The following CABLES1 variants were observed in gnomAD, a reference collection of about 807,000 sequenced individuals.
The protein encoded by CABLES1 is Cdk5 and Abl enzyme substrate 1, also known as CDK5 and ABL1 enzyme substrate 1.
A neutral mutation model predicts 57.8 loss-of-function variants in CABLES1; 36 were observed. That is an observed-to-expected ratio of 0.62 (90% CI 0.48 to 0.82). CABLES1 has a LOEUF of 0.82. Ranked by LOEUF, CABLES1 falls within the 40% of genes least tolerant of loss-of-function variation. CABLES1 has a pLI of 0.00. For synonymous variants in CABLES1, 374 were observed against 363.0 expected (o/e 1.03, Z -0.35); for missense variants, 767 against 836.6 (o/e 0.92, Z 1.03).
At chr18:23,253,157 G>A (rs1282099813) in intron 8 of CABLES1, 91 bp downstream of exon 8, 4 of 726,112 alleles carry the variant, frequency 5.5e-6, no homozygotes, top group Non-Finnish European at 9.9e-6. Flanking sequence ...GGTCCTTCCT[G>A]TGGTTCCAGT....
intron 7 of CABLES1, among the ~76,000 whole-genome samples, chr18:23,238,386 G>A (rs561412615): frequency 1.3e-5 from 2 of 152,304 alleles, no homozygotes; most frequent in African/African-American, 2.4e-5. Flanking sequence ...TATGCCACAC[G>A]GCGTCAGAAT....
chr18:23,191,934 A>G (rs2047246689), intron 2 of CABLES1, among the ~76,000 whole-genome samples: 1 of 110,418 alleles, frequency 9.1e-6, no homozygotes, highest in Non-Finnish European at 2.0e-5. Flanking sequence ...AAAAAAAAAA[A>G]AAAAAAAGGC....
In CABLES1 at chr18:23,246,053, G is replaced by A. The variant is rs564262645; in HGVS notation, c.1447-6907G>A. On this transcript the variant is annotated intron_variant, in intron 7 of 9. Transcript: ENST00000256925. ...GAGGCCAAGGTGGGCAGATCACGAG[G>A]TCAGGAGATCGAGACCATCCTGGCC... 2.6e-5 allele frequency among the ~76,000 whole-genome samples: 4 copies of A among 152,272 alleles called. No homozygotes were observed. In the South Asian group the frequency reaches 6.2e-4, roughly 24 times the overall value.
rs1249943525 is a variant in CABLES1, at chr18:23,225,825, C to A, written c.1089-8783C>A. ...AATGAGTTGCAAGCAACTTTCTCAA[C>A]TTTCCTAAATAGGCAGACCCCACTT... is the stretch of plus-strand genomic sequence containing the variant. On this transcript the variant is annotated intron_variant, in intron 4 of 9. Transcript: ENST00000256925. Among the ~76,000 whole-genome samples the A allele has an allele frequency of 2.0e-5, 3 of 152,262 alleles. No individual in the cohort carries two copies. The East Asian group carries it at 5.8e-4, about 29-fold the overall frequency.
At chr18:23,236,188 C>G in intron 6 of CABLES1, 137 bp downstream of exon 6, 2 of 930,680 alleles carry the variant, frequency 2.1e-6, no homozygotes, top group Non-Finnish European at 3.2e-6. Flanking sequence ...AAAGCCTGAT[C>G]TCAAGCCATG....
At chr18:23,136,664 C>A (rs142120848) in intron 1 of CABLES1, 57 bp downstream of exon 1, 2 of 1,158,804 alleles carry the variant, frequency 1.7e-6, no homozygotes, top group Non-Finnish European at 2.3e-6. Flanking sequence ...GCGCTCCCAG[C>A]CTCCCCGCGG....
chr18:23,238,284 C>T (rs1196946135), intron 7 of CABLES1, among the ~76,000 whole-genome samples: 6 of 152,262 alleles, frequency 3.9e-5, no homozygotes, highest in Non-Finnish European at 8.8e-5. Context: ...CGCTGTTTGT[C>T]AGAGAAACAC....
intron 9 of CABLES1, among the ~76,000 whole-genome samples, chr18:23,255,097 G>T (rs2048129786): frequency 6.6e-6 from 1 of 152,154 alleles, no homozygotes; most frequent in African/African-American, 2.4e-5. Flanking sequence ...CCTGGCTCTG[G>T]GGTGATAAGG....
chr18:23,211,125 A>G (rs35613355), intron 3 of CABLES1, among the ~76,000 whole-genome samples: 8,856 of 151,924 alleles, frequency 0.058, 368 homozygotes, highest in Non-Finnish European at 0.087. Flanking sequence ...ACTGATAGGC[A>G]CCTTGTGGTT....
chr18:23,156,652 C>T (rs986649549), intron 1 of CABLES1, among the ~76,000 whole-genome samples: 2 of 152,182 alleles, frequency 1.3e-5, no homozygotes, highest in African/African-American at 4.8e-5. Flanking sequence ...TCTGGTCACA[C>T]GTTTCCGTCA....
chr18:23,156,251 G>A (rs763557788), intron 1 of CABLES1, among the ~76,000 whole-genome samples: 17 of 152,340 alleles, frequency 1.1e-4, no homozygotes, highest in Non-Finnish European at 2.4e-4. Flanking sequence ...GAACCTCGGA[G>A]GCCCTGGGAG....
chr18:23,225,652 A>G (rs1401672975), intron 4 of CABLES1, among the ~76,000 whole-genome samples: 2 of 152,224 alleles, frequency 1.3e-5, no homozygotes, highest in East Asian at 1.9e-4. Context: ...TTTTCTGGGA[A>G]GAGTCCCAGC....
At chr18:23,154,973 C>T (rs1180650362) in intron 1 of CABLES1, among the ~76,000 whole-genome samples, 2 of 152,216 alleles carry the variant, frequency 1.3e-5, no homozygotes, top group African/African-American at 4.8e-5. Flanking sequence ...TACAGAATGA[C>T]TAAACCAGAC....
At chr18:23,169,856 C>G (rs534631136) in intron 1 of CABLES1, among the ~76,000 whole-genome samples, 104 of 152,246 alleles carry the variant, frequency 6.8e-4, no homozygotes, top group Admixed American at 1.8e-3. Context: ...TGCTGAGGCT[C>G]TCCTGAGGTT....
At chr18:23,229,428 AT>A (rs5823377) in intron 4 of CABLES1, among the ~76,000 whole-genome samples, 7,162 of 152,258 alleles carry the variant, frequency 0.047, 609 homozygotes, top group Admixed American at 0.22. Context: ...TTATTAAAAA[AT>A]AAATTAGTAT....
chr18:23,225,505 C>T (rs964504856), intron 4 of CABLES1, among the ~76,000 whole-genome samples: 1 of 151,548 alleles, frequency 6.6e-6, no homozygotes, highest in African/African-American at 2.4e-5. Flanking sequence ...ATCTTTCTTG[C>T]TAAATCCTAC....
In CABLES1 at chr18:23,148,321, C is replaced by A. The variant is rs192183296; in HGVS notation, c.845+11714C>A. On this transcript the variant is annotated intron_variant, in intron 1 of 9. Coordinates refer to ENST00000256925, the MANE Select transcript of CABLES1 (RefSeq NM_001100619.3). ...CCCCCATTTCTAAGCAGGATACCCT[C>A]TCCCGTGTGAGGGCTCCTCAGGGTC... Among the ~76,000 whole-genome samples, 20 of 152,286 alleles carry A rather than the reference C, an allele frequency of 1.3e-4. No individual in the cohort carries two copies. In the East Asian group the frequency reaches 3.7e-3, roughly 28 times the overall value.
intron 3 of CABLES1, among the ~76,000 whole-genome samples, chr18:23,213,060 G>A (rs551535990): frequency 2.6e-4 from 39 of 152,254 alleles, no homozygotes; most frequent in South Asian, 1.7e-3. Context: ...CTGGTTTGCC[G>A]TGCCAGGGAA....
intron 1 of CABLES1, among the ~76,000 whole-genome samples, chr18:23,164,103 A>G (rs1054290217): frequency 3.9e-5 from 6 of 152,200 alleles, no homozygotes; most frequent in Non-Finnish European, 2.9e-5. Flanking sequence ...ATCTTTCATC[A>G]CACCCCTTTG....
Sources: allele counts gnomAD v4.1 joint callset (sites outside exome capture counted in the v4.1 genomes callset), GRCh38; gene constraint gnomAD v4.1.1; transcripts MANE v1.5; gene names NCBI Gene and HGNC (gene_info 2026-07-23, HGNC 2026-07-21).